PLEKHN1: variants seen among roughly 807,000 people sequenced by gnomAD.
The protein encoded by PLEKHN1 is pleckstrin homology domain containing N1.
In PLEKHN1, 68 loss-of-function variants were observed where a neutral mutation model predicts 72.8. The ratio of observed to expected loss-of-function variants is 0.93; its 90% CI spans 0.77 to 1.14. The LOEUF is 1.14. PLEKHN1 is among the 50% of genes most tolerant of loss of function. The pLI, the probability that PLEKHN1 is intolerant of heterozygous loss-of-function variation, is 0.00. For synonymous variants in PLEKHN1, 454 were observed against 371.6 expected, an observed-to-expected ratio of 1.22 and a Z score of -2.55; for missense variants, 1,015 against 840.5, an observed-to-expected ratio of 1.21 and a Z score of -2.57.
rs111830434 is a variant in PLEKHN1 at position 974,794 on chromosome 1, C to A, written c.*219C>A. On this transcript the variant is annotated 3_prime_UTR_variant, in exon 16 of 16. Coordinates refer to ENST00000379410, the MANE Select transcript of PLEKHN1 (RefSeq NM_032129.3). Reference sequence around the variant, plus strand: ...GGGCCCCATCCAAAGGATGCCCTGGCCAGCGAGGCTGGGTCACAGGTCAGG... The same window carrying A: ...GGGCCCCATCCAAAGGATGCCCTGGACAGCGAGGCTGGGTCACAGGTCAGG... 3 of 639,678 alleles carry A rather than the reference C, an allele frequency of 4.7e-6. No homozygotes were observed. The highest frequency in any genetic ancestry group is 5.2e-6 in the Non-Finnish European group (2 of 382,140). The allele number at this position is 639,678 out of a possible 1,614,324, so 39.6% of individuals were successfully genotyped here.
chr1:973,843 C>T lies in PLEKHN1; in HGVS notation c.1445C>T (p.Ala482Val). ...TGGCTCTCCCTGCAGTTCCTCAGTG[C>T]CATGCAGAGTGCACGTGGACCCACG... ...DVRGLEEFLSAMQSARGPTPS... is the reference protein window; with the variant it reads ...DVRGLEEFLSVMQSARGPTPS... Residue 482 changes from alanine to valine, a missense_variant, in exon 14 of 16, where the codon GCC (alanine) becomes GTC (valine). Physicochemically the swap from Ala to Val is moderately conservative, Grantham distance 64 (BLOSUM62 0). Coordinates refer to ENST00000379410, the MANE Select transcript of PLEKHN1 (RefSeq NM_032129.3). The T allele has an allele frequency of 5.0e-6, 8 of 1,609,724 alleles. No individual in the cohort carries two copies. Among genetic ancestry groups the T allele is most frequent in the Non-Finnish European group, 6.8e-6 (8 of 1,179,646 alleles).
Position 974,046 on chromosome 1 carries a change from C to T in PLEKHN1, c.1648C>T (p.Gln550Ter). The change falls in exon 14 of 16, where the codon CAG becomes TAG. Residue 550 changes from glutamine (Q) to a stop codon, truncating the protein, a stop_gained. Transcript: ENST00000379410. LOFTEE classifies it high-confidence loss of function. Reference sequence around the variant, plus strand: ...GGGGCCGCAGCCCCCAGACGCCCCTCAGCTTGTGAGTAGCAGCCCCCACGC... The same window carrying T: ...GGGGCCGCAGCCCCCAGACGCCCCTTAGCTTGTGAGTAGCAGCCCCCACGC... The part of the protein sequence containing the change: ...DGGPQPPDAP[Q>*]LVSSAREGSP... 6.3e-7 allele frequency: 1 copy of T among 1,582,534 alleles called. No individual in the cohort carries two copies.
chr1:973,972 C>T lies in PLEKHN1; in HGVS notation c.1574C>T (p.Ala525Val), dbSNP rs966142948. 2 of 1,609,396 alleles carry T rather than the reference C, an allele frequency of 1.2e-6. No homozygotes were observed. The highest frequency in any genetic ancestry group is 1.7e-6 in the Non-Finnish European group (2 of 1,179,498). The change falls in exon 14 of 16, where the codon GCC becomes GTC. Residue 525 changes from alanine (A) to valine (V), a missense_variant. By Grantham distance (64) the Ala-to-Val change is moderately conservative. Coordinates refer to ENST00000379410, the MANE Select transcript of PLEKHN1 (RefSeq NM_032129.3). ...AGPYLLSKKGALQSRAAQRHR... is the reference protein window; with the variant it reads ...AGPYLLSKKGVLQSRAAQRHR... Reference sequence around the variant, plus strand: ...CCCTACTTGCTCTCCAAGAAGGGAGCCCTGCAGTCCAGAGCCGCTCAGAGA... The same window carrying T: ...CCCTACTTGCTCTCCAAGAAGGGAGTCCTGCAGTCCAGAGCCGCTCAGAGA...
chr1:971,688 A>G lies in PLEKHN1; in HGVS notation c.789+284A>G, dbSNP rs558771433. 9.2e-5 allele frequency among the ~76,000 whole-genome samples: 14 copies of G among 152,228 alleles called. No individual in the cohort carries two copies. The East Asian group carries it at 2.3e-3, about 25-fold the overall frequency. ...ACTCCCTTGTGTGTGCCTGCCCGTG[A>G]GGCGTGTGTGTGCACACGTGCGTGT... On this transcript the variant is annotated intron_variant, in intron 8 of 15. Transcript: ENST00000379410.
At chr1:973,467 G>T in intron 12 of PLEKHN1, 33 bp from the exon 13 acceptor site, 3 of 1,607,562 alleles carry the variant, frequency 1.9e-6, no homozygotes, top group Non-Finnish European at 1.7e-6. Context: ...GTTTCTAGCC[G>T]AGAAGCCCAT....
Position 975,555 on chromosome 1 carries a change from G to C in PLEKHN1, c.*980G>C, listed in dbSNP as rs2340592. 6.6e-6 allele frequency: 1 copy of C among 152,336 alleles called. No individual in the cohort carries two copies. The highest frequency in any genetic ancestry group is 1.5e-5 in the Non-Finnish European group (1 of 68,176). The allele number at this position is 152,336 out of a possible 1,614,324, so 9.4% of individuals were successfully genotyped here. Reference sequence around the variant, plus strand: ...CTGGGGAGGGGCAGGCAGAGCCTTCGCTGTCTCAGGCCAGAGCCCGCAGAG... The same window carrying C: ...CTGGGGAGGGGCAGGCAGAGCCTTCCCTGTCTCAGGCCAGAGCCCGCAGAG... On this transcript the variant is annotated 3_prime_UTR_variant, in exon 16 of 16. Coordinates refer to ENST00000379410, the MANE Select transcript of PLEKHN1 (RefSeq NM_032129.3).
At chr1:971,468 G>A in intron 8 of PLEKHN1, 64 bp downstream of exon 8, 4 of 1,418,854 alleles carry the variant, frequency 2.8e-6, no homozygotes, top group East Asian at 5.0e-5. Context: ...GGAGGGGGCA[G>A]CCATGCAGGA....
intron 8 of PLEKHN1, among the ~76,000 whole-genome samples, chr1:971,739 G>A (rs1032146992): frequency 1.8e-4 from 28 of 152,306 alleles, no homozygotes; most frequent in Admixed American, 8.5e-4. Flanking sequence ...GGCGGGCTCC[G>A]GGAAGGGGGT....
Position 972,913 on chromosome 1 carries a change from A to T in PLEKHN1, c.1055A>T (p.Asp352Val), listed in dbSNP as rs201101550. ...TCCTCAGGCGGACAGACCAGCTGGG[A>T]CTCGGGGTGCTTGGCGCCCCCCTCC... ...SLSSGGQTSW[D>V]SGCLAPPSTR... Residue 352 changes from aspartate (D) to valine (V), a missense_variant, in exon 11 of 16, where the codon GAC becomes GTC. Physicochemically the swap from Asp to Val is radical, Grantham distance 152. Transcript: ENST00000379410. The T allele has an allele frequency of 5.2e-4, 815 of 1,560,200 alleles. No homozygotes were observed. Among genetic ancestry groups the T allele is most frequent in the Non-Finnish European group, 6.3e-4 (723 of 1,152,098 alleles).
rs1643450337 is a variant in PLEKHN1, at chr1:973,529, A to G, written c.1323A>G (p.Pro441=). The G allele has an allele frequency of 6.2e-7, 1 of 1,613,202 alleles. No individual in the cohort carries two copies. Among genetic ancestry groups the G allele is most frequent in the East Asian group, 2.2e-5 (1 of 44,880 alleles). The change falls in exon 13 of 16, where the codon CCA becomes CCG. Residue 441 remains proline (P), a synonymous_variant. Transcript: ENST00000379410. ...ACAGGCTGAGCCTGGAGAGCAGCCC[A>G]GATGCCCCTGACCACACTTCGGAAA... ...QLHRLSLESS[P]DAPDHTSETS... is the part of the protein sequence containing the mutation.
Position 974,633 on chromosome 1 carries a change from C to T in PLEKHN1, c.*58C>T, listed in dbSNP as rs1557654688. On this transcript the variant is annotated 3_prime_UTR_variant, in exon 16 of 16. Coordinates refer to ENST00000379410, the MANE Select transcript of PLEKHN1 (RefSeq NM_032129.3). ...CTCGCCAAGCTCCAGGGTACCTGCC[C>T]CTCTAACCCACTTCAAATTACAAGT... The T allele has an allele frequency of 9.1e-6, 14 of 1,537,308 alleles. No individual in the cohort carries two copies. Among genetic ancestry groups the T allele is most frequent in the East Asian group, 7.2e-5 (3 of 41,848 alleles).
rs964885328 is a variant in PLEKHN1 at position 971,381 on chromosome 1, G to A, written c.766G>A (p.Glu256Lys). The change falls in exon 8 of 16, where the codon GAG becomes AAG. Residue 256 changes from glutamate (E) to lysine (K), a missense_variant. Glu to Lys is a moderately conservative substitution (Grantham distance 56). Coordinates refer to ENST00000379410, the MANE Select transcript of PLEKHN1 (RefSeq NM_032129.3). ...YPTSLAIFSE[E>K]LDGLCFKGEL... ...AACGTCCTTGGCCATTTTCTCCGAG[G>A]AGCTGGACGGGCTTTGCTTCAAGGT... 9 of 1,588,554 alleles carry A rather than the reference G, an allele frequency of 5.7e-6. No homozygotes were observed. Among genetic ancestry groups the A allele is most frequent in the Non-Finnish European group, 6.8e-6 (8 of 1,168,830 alleles).
Position 971,318 on chromosome 1 carries a change from A to G in PLEKHN1, c.709-6A>G. 1 of 1,037,320 alleles carries G rather than the reference A, an allele frequency of 9.6e-7. No individual in the cohort carries two copies. The highest frequency in any genetic ancestry group is 1.5e-6 in the Non-Finnish European group (1 of 688,572). The allele number at this position is 1,037,320 out of a possible 1,614,324, so 64.3% of individuals were successfully genotyped here. On this transcript the variant is annotated splice_region_variant and splice_polypyrimidine_tract_variant and intron_variant, in intron 7 of 15. Transcript: ENST00000379410. Reference sequence around the variant, plus strand: ...TCATCGCCTGACCCCACCCCCACCCACCCAGGAGCAGTGGGACCGGCTCTT... The same window carrying G: ...TCATCGCCTGACCCCACCCCCACCCGCCCAGGAGCAGTGGGACCGGCTCTT...
In PLEKHN1 at chr1:974,734, T is replaced by C; in HGVS notation, c.*159T>C. On this transcript the variant is annotated 3_prime_UTR_variant, in exon 16 of 16. Coordinates refer to ENST00000379410, the MANE Select transcript of PLEKHN1 (RefSeq NM_032129.3). Reference sequence around the variant, plus strand: ...GAGCCCGTCCCTCAGCTCCTGTTCCTTGGTGCCAGCAGCTGGGGCAGGGAA... The same window carrying C: ...GAGCCCGTCCCTCAGCTCCTGTTCCCTGGTGCCAGCAGCTGGGGCAGGGAA... 1 of 979,164 alleles carries C rather than the reference T, an allele frequency of 1.0e-6. No individual in the cohort carries two copies. Among genetic ancestry groups the C allele is most frequent in the Non-Finnish European group, 1.5e-6 (1 of 685,720 alleles). 60.7% of individuals were successfully genotyped at this position (979,164 alleles called of 1,614,324 possible).
chr1:972,332 G>T lies in PLEKHN1; in HGVS notation c.910G>T (p.Asp304Tyr). ...CCGCGTGGTGTGCGCCAGCTACGAG[G>T]ACTACGGTCACTGGCTGCTGTGCCT... Reference protein sequence around the residue: ...TIRVVCASYEDYGHWLLCLRA... With the variant: ...TIRVVCASYEYYGHWLLCLRA... Residue 304 changes from aspartate to tyrosine, a missense_variant, in exon 10 of 16, where the codon GAC becomes TAC. By Grantham distance (160) the Asp-to-Tyr change is radical. Coordinates refer to ENST00000379410, the MANE Select transcript of PLEKHN1 (RefSeq NM_032129.3). 1 of 1,612,582 alleles carries T rather than the reference G, an allele frequency of 6.2e-7. No individual in the cohort carries two copies. Among genetic ancestry groups the T allele is most frequent in the African/African-American group, 1.3e-5 (1 of 75,058 alleles).
At position 970,684 on chromosome 1, in the gene PLEKHN1, A is replaced by G. The variant is rs1431313374; in HGVS notation, c.412-2A>G. On this transcript the variant is annotated splice_acceptor_variant, in intron 4 of 15. Coordinates refer to ENST00000379410, the MANE Select transcript of PLEKHN1 (RefSeq NM_032129.3). LOFTEE classifies it high-confidence loss of function. This position sits in a 1 kb window ranked among gnomAD's most constrained non-coding sequence, Gnocchi z 4.2. ...AAGCTCCTCCTACCCTGTGCCTGGC[A>G]GGGGCTGTTACCGCTGACGGAGCTG... 3.8e-6 allele frequency: 6 copies of G among 1,595,638 alleles called. No individual in the cohort carries two copies. The highest frequency in any genetic ancestry group is 5.1e-6 in the Non-Finnish European group (6 of 1,169,204).
Position 970,475 on chromosome 1 carries a change from C to G in PLEKHN1, c.331-46C>G. The G allele has an allele frequency of 6.2e-7, 1 of 1,613,124 alleles. No homozygotes were observed. Among genetic ancestry groups the G allele is most frequent in the Non-Finnish European group, 8.5e-7 (1 of 1,179,946 alleles). On this transcript the variant is annotated intron_variant, in intron 3 of 15. Coordinates refer to ENST00000379410, the MANE Select transcript of PLEKHN1 (RefSeq NM_032129.3). This position sits in a 1 kb window ranked among gnomAD's most constrained non-coding sequence, Gnocchi z 4.2. ...CTAAGGGTGCAGCATCCCCATCAGC[C>G]TGGGGCTCCCCAGACTCCGCACTGA...
chr1:973,964 G>T lies in PLEKHN1; in HGVS notation c.1566G>T (p.Lys522Asn). The T allele has an allele frequency of 6.2e-7, 1 of 1,610,112 alleles. No individual in the cohort carries two copies. ...CCGCTGGCCCCTACTTGCTCTCCAA[G>T]AAGGGAGCCCTGCAGTCCAGAGCCG... ...SGPAGPYLLS[K>N]KGALQSRAAQ... is the part of the protein sequence containing the mutation. Residue 522 changes from lysine (K) to asparagine (N), a missense_variant, in exon 14 of 16, where the codon AAG (lysine) becomes AAT (asparagine). Lys to Asn is a moderately conservative substitution (Grantham distance 94, BLOSUM62 0). Transcript: ENST00000379410.
intron 7 of PLEKHN1, 53 bp downstream of exon 7, chr1:971,261 G>T: frequency 6.4e-7 from 1 of 1,556,098 alleles, no homozygotes; most frequent in Non-Finnish European, 8.7e-7. Flanking sequence ...GCATGGTGGT[G>T]GGCAGGGCGG....
Sources: allele counts gnomAD v4.1 joint callset (sites outside exome capture counted in the v4.1 genomes callset), GRCh38; gene constraint gnomAD v4.1.1; non-coding constraint Gnocchi (gnomAD v3.1); transcripts MANE v1.5; gene names NCBI Gene and HGNC (gene_info 2026-07-23, HGNC 2026-07-21).